Variants in BBS4 observed in about 807,000 individuals in gnomAD.
The protein encoded by BBS4 is BBSome complex member BBS4.
A neutral mutation model predicts 71.4 loss-of-function variants in BBS4; 58 were observed. The observed-to-expected ratio is 0.81, with a 90% CI of 0.66 to 1.01. The LOEUF (loss-of-function observed/expected upper bound fraction) is 1.01, where lower values mean the gene tolerates loss of function less well. Among genes scored for constraint, BBS4 ranks in the 50% least tolerant of loss-of-function variants. The pLI, the probability that BBS4 is intolerant of heterozygous loss-of-function variation, is 0.00. For missense variants in BBS4, 660 were observed against 607.9 expected (o/e 1.09, Z -0.90); for synonymous variants, 228 against 216.8 (o/e 1.05, Z -0.46).
chr15:72,694,096 G>A (rs1157205641), intron 1 of BBS4, among the ~76,000 whole-genome samples: 1 of 151,778 alleles, frequency 6.6e-6, no homozygotes, highest in Non-Finnish European at 1.5e-5. Flanking sequence ...TGTTGGCCAG[G>A]CTGGTGTTGA....
At chr15:72,699,808 A>G (rs1314450852) in intron 2 of BBS4, among the ~76,000 whole-genome samples, 2 of 152,234 alleles carry the variant, frequency 1.3e-5, no homozygotes, top group East Asian at 3.8e-4. Context: ...GTGTTGTTAT[A>G]TGTATCAGTA....
rs763025391 is a variant in BBS4, at chr15:72,737,803, TG to T, written c.*217del. 117 of 578,452 alleles carry T rather than the reference TG, an allele frequency of 2.0e-4. No individual in the cohort carries two copies. The African/African-American group carries it at 2.1e-3, about 10-fold the overall frequency. The allele number at this position is 578,452 out of a possible 1,614,324, so 35.8% of individuals were successfully genotyped here. On this transcript the variant is annotated 3_prime_UTR_variant, in exon 16 of 16. Coordinates refer to ENST00000268057, the MANE Select transcript of BBS4 (RefSeq NM_033028.5). ...CTACTGCCCCATAAGCCAGGAAAAG[TG>T]AAAAGAGAACACAGTTCCTTTAAGA...
Position 72,735,767 on chromosome 15 carries a change from CT to C in BBS4, c.1107-57del, listed in dbSNP as rs1208684202. On this transcript the variant is annotated intron_variant, in intron 13 of 15. Coordinates refer to ENST00000268057, the MANE Select transcript of BBS4 (RefSeq NM_033028.5). ...TTTGTTTTTGTGTAATGAGAAGGAT[CT>C]CTAAATGACCATTTGTTGCAGAGCC... 8.7e-6 allele frequency: 14 copies of C among 1,606,998 alleles called. No homozygotes were observed. The Admixed American group carries it at 1.2e-4, about 13-fold the overall frequency.
At chr15:72,709,836 C>T (rs1421539881) in intron 3 of BBS4, 57 bp downstream of exon 3, 6 of 1,378,504 alleles carry the variant, frequency 4.4e-6, no homozygotes, top group African/African-American at 4.3e-5. Context: ...AGGCAACTAA[C>T]AGTGCCTGCT....
At chr15:72,712,101 TCA>T in intron 3 of BBS4, 141 bp from the exon 4 acceptor site, 1 of 699,152 alleles carries the variant, frequency 1.4e-6, no homozygotes, top group South Asian at 1.6e-5. Flanking sequence ...ACTCCTGACC[TCA>T]TAATCTGCCT....
intron 6 of BBS4, among the ~76,000 whole-genome samples, chr15:72,717,606 C>T (rs531135378): frequency 6.6e-6 from 1 of 152,176 alleles, no homozygotes; most frequent in African/African-American, 2.4e-5. Context: ...CCACTTATGT[C>T]ATATCAGCTC....
chr15:72,734,921 A>C (rs2065890794), intron 12 of BBS4, among the ~76,000 whole-genome samples, 192 bp from the exon 13 acceptor site: 1 of 152,210 alleles, frequency 6.6e-6, no homozygotes, highest in South Asian at 2.1e-4. Context: ...AACTGCAAAA[A>C]AAGGATGCAT....
intron 3 of BBS4, among the ~76,000 whole-genome samples, chr15:72,710,421 C>T (rs867873804): frequency 3.3e-5 from 5 of 151,912 alleles, no homozygotes; most frequent in Non-Finnish European, 5.9e-5. Flanking sequence ...AGGCTGGTCT[C>T]GAACTCCTGA....
chr15:72,724,426 C>T, intron 7 of BBS4, 102 bp from the exon 8 acceptor site: 2 of 1,538,284 alleles, frequency 1.3e-6, no homozygotes, highest in South Asian at 2.3e-5. Context: ...ATGTGATGTT[C>T]CTATGTCAAT....
In BBS4 at chr15:72,737,717, C is replaced by T. The variant is rs1238730194; in HGVS notation, c.*130C>T. ...TACAGTGTGTGTTATTACGAGGAGC[C>T]AGCAGTTGAGCCTAAGGTCCTTCTA... On this transcript the variant is annotated 3_prime_UTR_variant, in exon 16 of 16. Coordinates refer to ENST00000268057, the MANE Select transcript of BBS4 (RefSeq NM_033028.5). 4 of 800,284 alleles carry T rather than the reference C, an allele frequency of 5.0e-6. No individual in the cohort carries two copies. The highest frequency in any genetic ancestry group is 8.3e-6 in the Non-Finnish European group (4 of 483,156). 49.6% of individuals were successfully genotyped at this position (800,284 alleles called of 1,614,324 possible).
intron 4 of BBS4, among the ~76,000 whole-genome samples, chr15:72,712,560 A>G (rs2065393517): frequency 1.3e-5 from 2 of 152,246 alleles, no homozygotes; most frequent in African/African-American, 4.8e-5. Flanking sequence ...CAGGCTACAA[A>G]CCTGTATGAG....
intron 15 of BBS4, chr15:72,737,238 T>C (rs995309568): frequency 2.1e-5 from 13 of 615,086 alleles, no homozygotes; most frequent in Non-Finnish European, 3.4e-5. Flanking sequence ...TATCCTGTTA[T>C]GCAATGTTTA....
At chr15:72,706,288 C>G (rs1225251346) in intron 2 of BBS4, among the ~76,000 whole-genome samples, 1 of 152,082 alleles carries the variant, frequency 6.6e-6, no homozygotes, top group African/African-American at 2.4e-5. Context: ...AGGTGCCCGC[C>G]ACCACTCCCG....
intron 9 of BBS4, 60 bp from the exon 10 acceptor site, chr15:72,729,556 G>C: frequency 6.5e-7 from 1 of 1,542,622 alleles, no homozygotes; most frequent in Non-Finnish European, 9.0e-7. Context: ...GGTCTGGCCA[G>C]ACTCTTTTAA....
chr15:72,735,915 GAAGA>G lies in BBS4; in HGVS notation c.1201_1204del (p.Lys401SerfsTer67). The G allele has an allele frequency of 6.2e-7, 1 of 1,614,104 alleles. No homozygotes were observed. Among genetic ancestry groups the G allele is most frequent in the Non-Finnish European group, 8.5e-7 (1 of 1,180,008 alleles). ...CCCTGGCCCAATATCAGGAGATGGA[GAAGA>G]AAGTCAGCCTACTCAAGGACAATAG... On this transcript the variant is annotated frameshift_variant, in exon 14 of 16. Coordinates refer to ENST00000268057, the MANE Select transcript of BBS4 (RefSeq NM_033028.5). LOFTEE classifies it high-confidence loss of function.
chr15:72,723,449 T>A (rs905459277), intron 7 of BBS4, among the ~76,000 whole-genome samples: 3 of 152,244 alleles, frequency 2.0e-5, no homozygotes, highest in African/African-American at 7.2e-5. Flanking sequence ...ACAAAATTAC[T>A]GAGAGCTCTA....
intron 8 of BBS4, among the ~76,000 whole-genome samples, chr15:72,726,111 CT>C (rs138831067): frequency 2.3e-4 from 28 of 119,658 alleles, no homozygotes; most frequent in Non-Finnish European, 4.5e-4. Flanking sequence ...TCCTTCCTTT[CT>C]TTCCTTCCTT....
chr15:72,714,790 G>C (rs536212179), intron 4 of BBS4, among the ~76,000 whole-genome samples: 15 of 152,272 alleles, frequency 9.9e-5, no homozygotes, highest in South Asian at 6.2e-4. Context: ...ATAGGCCTAG[G>C]AAAAACCTCT....
chr15:72,703,990 T>G (rs1450545149), intron 2 of BBS4, among the ~76,000 whole-genome samples: 2 of 152,154 alleles, frequency 1.3e-5, no homozygotes, highest in Non-Finnish European at 2.9e-5. Flanking sequence ...GGTGTCATGT[T>G]TATTCACTTC....
Sources: gnomAD v4.1 joint callset for allele counts (sites outside exome capture counted in the v4.1 genomes callset) on GRCh38, gnomAD v4.1.1 for gene constraint, MANE v1.5 for transcripts, NCBI Gene and HGNC (gene_info 2026-07-23, HGNC 2026-07-21) for gene names.